Variants in COL24A1 observed in about 807,000 individuals in gnomAD.
COL24A1 encodes collagen alpha-1(XXIV) chain.
Under a neutral mutation model 253.9 loss-of-function variants are expected in COL24A1, and 224 were observed. That is an observed-to-expected ratio of 0.88 (90% CI 0.79 to 0.99). The LOEUF (loss-of-function observed/expected upper bound fraction) is 0.99. Among genes scored for constraint, COL24A1 ranks in the 50% least tolerant of loss-of-function variants. The pLI is 0.00. For synonymous variants in COL24A1, 685 were observed against 673.7 expected (o/e 1.02, Z -0.26); for missense variants, 2,131 against 2,068.5 (o/e 1.03, Z -0.59).
Position 85,847,312 on chromosome 1 carries a change from T to G in COL24A1, c.3462+353A>C, listed in dbSNP as rs536231085. ...CAAGTAAACCTAATTTTCAAAGCAA[T>G]TTGTCAACCATGACAGCATAGTTTT... On this transcript the variant is annotated intron_variant, in intron 39 of 59. Coordinates refer to ENST00000370571, the MANE Select transcript of COL24A1 (RefSeq NM_152890.7). 1.3e-4 allele frequency among the ~76,000 whole-genome samples: 20 copies of G among 152,302 alleles called. No homozygotes were observed. In the East Asian group the frequency reaches 3.9e-3, roughly 29 times the overall value.
chr1:85,970,272 C>CT lies in COL24A1; in HGVS notation c.2419-2dup, dbSNP rs762757657. 74 of 1,581,916 alleles carry CT rather than the reference C, an allele frequency of 4.7e-5. No individual in the cohort carries two copies. In the African/African-American group the frequency reaches 9.7e-4, roughly 21 times the overall value. ...AGGCTCCAATTGGTCCTTCTTCTCC[C>CT]TTAAAAAAAAAAAAAGTCAGAACAT... On this transcript the variant is annotated splice_acceptor_variant, in intron 21 of 59. Coordinates refer to ENST00000370571, the MANE Select transcript of COL24A1 (RefSeq NM_152890.7). LOFTEE classifies it high-confidence loss of function.
chr1:85,977,669 A>C (rs1219937973), intron 20 of COL24A1, among the ~76,000 whole-genome samples: 1 of 152,134 alleles, frequency 6.6e-6, no homozygotes, highest in Non-Finnish European at 1.5e-5. Context: ...TCAGACAAAG[A>C]CAAAGAAAAA....
chr1:86,062,657 T>C (rs1273235752), intron 8 of COL24A1, among the ~76,000 whole-genome samples: 1 of 152,132 alleles, frequency 6.6e-6, no homozygotes, highest in African/African-American at 2.4e-5. Flanking sequence ...CTACAATTTT[T>C]TTCTCCCCAG....
chr1:86,136,827 G>T (rs1464099535), intron 2 of COL24A1, among the ~76,000 whole-genome samples: 2 of 151,992 alleles, frequency 1.3e-5, no homozygotes, highest in Admixed American at 6.6e-5. Context: ...CACCAAAATT[G>T]GTACCTGAAG....
intron 32 of COL24A1, among the ~76,000 whole-genome samples, chr1:85,877,436 C>T (rs142326492): frequency 0.011 from 1,702 of 152,298 alleles, 31 homozygotes; most frequent in African/African-American, 0.039. Context: ...AGTCTCCACT[C>T]ACTGCAACCT....
chr1:86,146,519 T>C (rs1041868789), intron 1 of COL24A1, among the ~76,000 whole-genome samples: 3 of 151,728 alleles, frequency 2.0e-5, no homozygotes, highest in African/African-American at 7.3e-5. Context: ...AAATATGAAC[T>C]AGTATAGGTG....
chr1:86,083,709 A>T (rs942235618), intron 7 of COL24A1, among the ~76,000 whole-genome samples: 1 of 152,164 alleles, frequency 6.6e-6, no homozygotes, highest in Non-Finnish European at 1.5e-5. Context: ...GATCAGTGAA[A>T]ATAAGACAGC....
intron 23 of COL24A1, among the ~76,000 whole-genome samples, chr1:85,963,341 T>A (rs1440762227): frequency 6.6e-6 from 1 of 152,162 alleles, no homozygotes; most frequent in Non-Finnish European, 1.5e-5. Context: ...GAATAATATA[T>A]GAATTATTGG....
At chr1:85,996,505 G>C (rs1023486509) in intron 19 of COL24A1, among the ~76,000 whole-genome samples, 6 of 150,720 alleles carry the variant, frequency 4.0e-5, no homozygotes. Flanking sequence ...GCATGGTGGT[G>C]GGTTCCTGAA....
At chr1:85,737,805 C>G (rs1664212600) in intron 57 of COL24A1, among the ~76,000 whole-genome samples, 2 of 151,822 alleles carry the variant, frequency 1.3e-5, no homozygotes, top group African/African-American at 4.8e-5. Flanking sequence ...CTCAAGTGAT[C>G]TGCCCACCTC....
intron 35 of COL24A1, 26 bp from the exon 36 acceptor site, chr1:85,868,861 T>C (rs763842115): frequency 4.2e-5 from 64 of 1,532,340 alleles, no homozygotes; most frequent in Admixed American, 2.2e-4. Flanking sequence ...AAGAGTATGA[T>C]TGAGTTTTTT....
chr1:85,983,500 C>G (rs561199334), intron 20 of COL24A1, among the ~76,000 whole-genome samples: 2 of 151,966 alleles, frequency 1.3e-5, no homozygotes, highest in South Asian at 4.1e-4. Context: ...TTCTTTATTG[C>G]TGTGCCAAAT....
chr1:85,909,412 A>G (rs1685157817), intron 26 of COL24A1, among the ~76,000 whole-genome samples: 1 of 151,768 alleles, frequency 6.6e-6, no homozygotes, highest in South Asian at 2.1e-4. Flanking sequence ...TTAGAAAACT[A>G]TTTAGTAAGT....
intron 5 of COL24A1, among the ~76,000 whole-genome samples, chr1:86,093,130 A>G (rs775731923): frequency 4.6e-5 from 7 of 152,074 alleles, no homozygotes; most frequent in Admixed American, 1.3e-4. Flanking sequence ...GGAAATAGTC[A>G]TATCTTCTTT....
intron 24 of COL24A1, among the ~76,000 whole-genome samples, chr1:85,953,827 AAAT>A (rs1347895318): frequency 6.6e-6 from 1 of 152,228 alleles, no homozygotes; most frequent in Non-Finnish European, 1.5e-5. Flanking sequence ...GATTTTTAAA[AAAT>A]AATCATTAGG....
chr1:86,076,749 T>C (rs760037422), intron 7 of COL24A1, among the ~76,000 whole-genome samples: 1 of 152,128 alleles, frequency 6.6e-6, no homozygotes, highest in Non-Finnish European at 1.5e-5. Flanking sequence ...GGGAAAAGAT[T>C]CCCTATTTAA....
chr1:85,826,593 T>C (rs1206836289), intron 43 of COL24A1, among the ~76,000 whole-genome samples: 2 of 150,982 alleles, frequency 1.3e-5, no homozygotes, highest in South Asian at 2.1e-4. Flanking sequence ...TATCCTCTTT[T>C]ATTTCATTGA....
intron 11 of COL24A1, among the ~76,000 whole-genome samples, chr1:86,047,705 TTA>T (rs1203846532): frequency 6.6e-6 from 1 of 151,984 alleles, no homozygotes; most frequent in African/African-American, 2.4e-5. Context: ...TTAAAATTTT[TTA>T]TATATATGTA....
intron 43 of COL24A1, among the ~76,000 whole-genome samples, chr1:85,831,076 G>A (rs530041866): frequency 6.6e-5 from 10 of 152,056 alleles, no homozygotes; most frequent in Non-Finnish European, 1.3e-4. Context: ...GTGAAGAGTG[G>A]CAAGAGAGAA....
Sources: allele counts gnomAD v4.1 joint callset (sites outside exome capture counted in the v4.1 genomes callset), GRCh38; gene constraint gnomAD v4.1.1; transcripts MANE v1.5; gene names NCBI Gene and HGNC (gene_info 2026-07-23, HGNC 2026-07-21).